DCAF1: variants seen among roughly 807,000 people sequenced by gnomAD.
DCAF1 encodes the protein DDB1- and CUL4-associated factor 1.
In DCAF1, 15 loss-of-function variants were observed where a neutral mutation model predicts 128.0. That is an observed-to-expected ratio of 0.12 (90% CI 0.08 to 0.18). The LOEUF (loss-of-function observed/expected upper bound fraction) is 0.18. Ranked by LOEUF, DCAF1 falls within the 10% of genes least tolerant of loss-of-function variation. The probability of loss-of-function intolerance (pLI) is 1.00; values close to 1 mark genes in which losing one functional copy is unlikely to be tolerated. For synonymous variants in DCAF1, 610 were observed against 603.0 expected (o/e 1.01, Z -0.17); for missense variants, 988 against 1,649.5 (o/e 0.60, Z 6.95).
At chr3:51,483,607 GTT>G (rs36100198) in intron 3 of DCAF1, 110 bp downstream of exon 3, 3 of 657,394 alleles carry the variant, frequency 4.6e-6, no homozygotes, top group East Asian at 2.8e-5. Flanking sequence ...TTTTAAACTA[GTT>G]TGTGTGTGTG....
intron 23 of DCAF1, among the ~76,000 whole-genome samples, chr3:51,407,851 G>T (rs904552588): frequency 3.0e-4 from 45 of 152,112 alleles, no homozygotes; most frequent in African/African-American, 8.4e-4. Flanking sequence ...GCCGGTTGTG[G>T]TGGCAGGCGC....
At chr3:51,440,837 C>A (rs556090762) in intron 9 of DCAF1, 133 bp downstream of exon 9, 297 of 637,058 alleles carry the variant, frequency 4.7e-4, no homozygotes, top group Non-Finnish European at 7.3e-4. Flanking sequence ...ACCCAGGAGG[C>A]GGAGGTTGCA....
At position 51,416,645 on chromosome 3, in the gene DCAF1, C is replaced by T; in HGVS notation, c.3603+142G>A. ...CCCATACAGCTCAGAACTATATTAT[C>T]ATACTTTTAGATTCTAACTAGAAGG... is the stretch of plus-strand genomic sequence containing the variant. On this transcript the variant is annotated intron_variant, in intron 18 of 24. Transcript: ENST00000684031. The T allele has an allele frequency of 3.3e-6, 4 of 1,222,440 alleles. No homozygotes were observed. The South Asian group carries it at 4.2e-5, about 13-fold the overall frequency. 75.7% of individuals were successfully genotyped at this position (1,222,440 alleles called of 1,614,324 possible).
intron 23 of DCAF1, among the ~76,000 whole-genome samples, chr3:51,404,115 C>T (rs1430408152): frequency 6.6e-6 from 1 of 152,224 alleles, no homozygotes; most frequent in Non-Finnish European, 1.5e-5. Flanking sequence ...ATGGTACATT[C>T]TGGCATCTGC....
chr3:51,425,559 C>CTTTTTTTT (rs782117372), intron 13 of DCAF1, among the ~76,000 whole-genome samples: 1 of 96,838 alleles, frequency 1.0e-5, no homozygotes, highest in Non-Finnish European at 1.9e-5. Flanking sequence ...AAGCTGTCAT[C>CTTTTTTTT]TTTTTTTTTT....
At chr3:51,399,947 A>G (rs2089527547) in intron 24 of DCAF1, among the ~76,000 whole-genome samples, 1 of 152,200 alleles carries the variant, frequency 6.6e-6, no homozygotes, top group African/African-American at 2.4e-5. Flanking sequence ...TCTTGGACAA[A>G]CAGAGAGCAA....
Position 51,478,375 on chromosome 3 carries a change from A to G in DCAF1, c.110+5344T>C, listed in dbSNP as rs536175226. ...AGCCCCCCTCTATTTTAGGCTTTGC[A>G]TGGCTGAAGAGCATAGCATAGTGAA... On this transcript the variant is annotated intron_variant, in intron 3 of 24. Coordinates refer to ENST00000684031, the MANE Select transcript of DCAF1 (RefSeq NM_001387579.1). Among the ~76,000 whole-genome samples, 11 of 152,318 alleles carry G rather than the reference A, an allele frequency of 7.2e-5. No individual in the cohort carries two copies. The East Asian group carries it at 1.9e-3, about 27-fold the overall frequency.
In DCAF1 at chr3:51,420,555, G is replaced by A. The variant is rs781958691; in HGVS notation, c.2415C>T (p.Phe805=). ...CAATGAGTTCAGCAGCATACTTGCA[G>A]AACTTGACATGGTCACTGCGCTTGT... The part of the protein sequence containing the change: ...LQDKRSDHVK[F]CKYAAELIER... Residue 805 remains phenylalanine, a synonymous_variant, in exon 15 of 25, where the codon TTC becomes TTT. Coordinates refer to ENST00000684031, the MANE Select transcript of DCAF1 (RefSeq NM_001387579.1). This position sits in a 1 kb window ranked among gnomAD's most constrained non-coding sequence, Gnocchi z 6.5. 2 of 1,613,956 alleles carry A rather than the reference G, an allele frequency of 1.2e-6. No individual in the cohort carries two copies. The highest frequency in any genetic ancestry group is 2.2e-5 in the South Asian group (2 of 91,086).
At chr3:51,492,602 C>G (rs1466543547) in intron 2 of DCAF1, among the ~76,000 whole-genome samples, 5 of 152,172 alleles carry the variant, frequency 3.3e-5, no homozygotes, top group Admixed American at 1.3e-4. Flanking sequence ...AATGAGATAT[C>G]ATTTCTCACC....
At chr3:51,429,136 T>C (rs1700158738) in intron 12 of DCAF1, 125 bp downstream of exon 12, 2 of 639,714 alleles carry the variant, frequency 3.1e-6, no homozygotes, top group South Asian at 1.8e-5. Context: ...TCTGCCTTCA[T>C]ACAGGGAAGT....
chr3:51,481,809 G>A (rs1296719774), intron 3 of DCAF1, among the ~76,000 whole-genome samples: 1 of 151,848 alleles, frequency 6.6e-6, no homozygotes, highest in Non-Finnish European at 1.5e-5. Flanking sequence ...TGGCCAACAT[G>A]GCAAAACCCC....
chr3:51,484,265 G>C (rs782625263), intron 2 of DCAF1, among the ~76,000 whole-genome samples: 1 of 152,014 alleles, frequency 6.6e-6, no homozygotes, highest in Non-Finnish European at 1.5e-5. Flanking sequence ...CTGAGGTCAG[G>C]AGTTCGGGAC....
chr3:51,451,069 CTTTTTTTTTTTTTTTTTTTTTTTTT>C (rs1167474829), intron 6 of DCAF1, among the ~76,000 whole-genome samples: 1 of 27,100 alleles, frequency 3.7e-5, no homozygotes, highest in Non-Finnish European at 6.8e-5. Flanking sequence ...AAAGGAAATT[CTTTTTTTTTTTTTTTTTTTTTTTTT>C]TTTTTTTTTT....
chr3:51,461,640 T>C (rs1703586674), intron 6 of DCAF1, among the ~76,000 whole-genome samples: 1 of 152,138 alleles, frequency 6.6e-6, no homozygotes. Context: ...CTATTCACAA[T>C]AGCAAAGACT....
At chr3:51,491,736 CA>C (rs1553658048) in intron 2 of DCAF1, among the ~76,000 whole-genome samples, 1 of 151,464 alleles carries the variant, frequency 6.6e-6, no homozygotes, top group Non-Finnish European at 1.5e-5. Flanking sequence ...CCCAGCTACT[CA>C]GGGGGGCTGA....
intron 4 of DCAF1, among the ~76,000 whole-genome samples, chr3:51,470,346 T>C (rs577316196): frequency 2.0e-5 from 3 of 152,216 alleles, no homozygotes; most frequent in African/African-American, 7.2e-5. Flanking sequence ...GGATAGCTTG[T>C]GTCCAGGAGT....
intron 6 of DCAF1, among the ~76,000 whole-genome samples, chr3:51,456,056 G>C (rs1480322270): frequency 6.6e-6 from 1 of 152,180 alleles, no homozygotes; most frequent in Non-Finnish European, 1.5e-5. Flanking sequence ...CCAGACAGTA[G>C]GTGCAGGACA....
At chr3:51,477,954 TTCA>T (rs1283317984) in intron 3 of DCAF1, among the ~76,000 whole-genome samples, 1 of 152,108 alleles carries the variant, frequency 6.6e-6, no homozygotes, top group Non-Finnish European at 1.5e-5. Flanking sequence ...GATTTGGAAC[TTCA>T]TCATTATATA....
intron 3 of DCAF1, among the ~76,000 whole-genome samples, chr3:51,481,174 C>A (rs1223774045): frequency 3.9e-5 from 6 of 152,098 alleles, no homozygotes; most frequent in African/African-American, 1.4e-4. Context: ...TGAAAGTAAG[C>A]CACATCATAA....
Sources: allele counts gnomAD v4.1 joint callset (sites outside exome capture counted in the v4.1 genomes callset), GRCh38; gene constraint gnomAD v4.1.1; non-coding constraint Gnocchi (gnomAD v3.1); transcripts MANE v1.5; gene names NCBI Gene and HGNC (gene_info 2026-07-23, HGNC 2026-07-21).